The following TUSC3 variants were observed in gnomAD, a reference collection of about 807,000 sequenced individuals.
TUSC3 encodes the protein dolichyl-diphosphooligosaccharide--protein glycosyltransferase subunit TUSC3.
A neutral mutation model predicts 44.8 loss-of-function variants in TUSC3; 45 were observed. That is an observed-to-expected ratio of 1.00 (90% CI 0.79 to 1.29). TUSC3 has a LOEUF of 1.29. TUSC3 is among the 50% of genes most tolerant of loss of function. The pLI, the probability that TUSC3 is intolerant of heterozygous loss-of-function variation, is 0.00. For synonymous variants in TUSC3, 212 were observed against 152.9 expected (o/e 1.39, Z -2.85); for missense variants, 519 against 437.9 (o/e 1.19, Z -1.65).
intron 6 of TUSC3, chr8:15,689,317 AC>A: frequency 3.4e-6 from 1 of 295,852 alleles, no homozygotes; most frequent in Non-Finnish European, 6.7e-6. Context: ...GGTAGTAGTC[AC>A]CATCATCACT....
intron 1 of TUSC3, among the ~76,000 whole-genome samples, chr8:15,570,276 A>C (rs1237630007): frequency 7.0e-6 from 1 of 143,554 alleles, no homozygotes; most frequent in African/African-American, 2.9e-5. Flanking sequence ...ACACACACAC[A>C]CACACACACA....
intron 6 of TUSC3, chr8:15,689,615 G>A (rs1808806203): frequency 1.3e-5 from 2 of 155,680 alleles, no homozygotes; most frequent in South Asian, 1.9e-4. Flanking sequence ...CCTGGCAATC[G>A]TGGCTGTGGT....
At chr8:15,443,210 G>GGCTGGAGT in intron 1 of TUSC3, among the ~76,000 whole-genome samples, 1 of 151,874 alleles carries the variant, frequency 6.6e-6, no homozygotes, top group East Asian at 1.9e-4. Flanking sequence ...CTGTCACCCA[G>GGCTGGAGT]GCTGGAGTGC....
the TUSC3 span, among the ~76,000 whole-genome samples, chr8:15,834,908 T>A: frequency 6.6e-6 from 1 of 152,292 alleles, no homozygotes; most frequent in Non-Finnish European, 1.5e-5. Context: ...GAGAACTGAC[T>A]TTTCATGTGC....
downstream of TUSC3, among the ~76,000 whole-genome samples, chr8:15,770,039 T>G (rs1419936004): frequency 2.0e-5 from 3 of 152,088 alleles, no homozygotes; most frequent in East Asian, 3.9e-4. Context: ...GAAATACCAT[T>G]TGACCCAGCA....
At chr8:15,492,057 T>G (rs1402782420) in intron 2 of TUSC3, among the ~76,000 whole-genome samples, 2 of 152,198 alleles carry the variant, frequency 1.3e-5, no homozygotes, top group Non-Finnish European at 2.9e-5. Context: ...CTCCTCATAT[T>G]CCTGGCTATG....
intron 9 of TUSC3, among the ~76,000 whole-genome samples, chr8:15,756,406 A>G (rs761744569): frequency 2.1e-4 from 32 of 152,168 alleles, no homozygotes; most frequent in Non-Finnish European, 1.8e-4. Context: ...TTCTCAATAA[A>G]AAGTACTCAC....
the TUSC3 span, among the ~76,000 whole-genome samples, chr8:15,777,798 TTATATACAGA>T: frequency 2.0e-5 from 3 of 152,164 alleles, no homozygotes; most frequent in Non-Finnish European, 4.4e-5. Flanking sequence ...TTTTAAAATA[TTATATACAGA>T]TATATACAGA....
intron 1 of TUSC3, among the ~76,000 whole-genome samples, chr8:15,593,541 G>C (rs1479312518): frequency 6.6e-6 from 1 of 151,830 alleles, no homozygotes; most frequent in Non-Finnish European, 1.5e-5. Flanking sequence ...TGAGTTCATT[G>C]TTATTTTTTA....
chr8:15,752,002 C>T (rs1347600060), intron 9 of TUSC3, among the ~76,000 whole-genome samples: 2 of 152,112 alleles, frequency 1.3e-5, no homozygotes, highest in Non-Finnish European at 2.9e-5. Flanking sequence ...TATAGACATG[C>T]CGTGGTGCTT....
chr8:15,478,155 A>T (rs937483463), intron 1 of TUSC3, among the ~76,000 whole-genome samples: 1 of 151,890 alleles, frequency 6.6e-6, no homozygotes, highest in Admixed American at 6.6e-5. Flanking sequence ...CGGGGTTTCT[A>T]CTAAAAGACC....
intron 1 of TUSC3, among the ~76,000 whole-genome samples, chr8:15,563,316 C>T (rs1802546484): frequency 6.6e-6 from 1 of 151,922 alleles, no homozygotes; most frequent in African/African-American, 2.4e-5. Context: ...ATGGTGTGAA[C>T]CTGTTAAGTA....
At chr8:15,561,855 GT>G (rs1802481425) in intron 1 of TUSC3, among the ~76,000 whole-genome samples, 1 of 152,124 alleles carries the variant, frequency 6.6e-6, no homozygotes, top group Admixed American at 6.5e-5. Flanking sequence ...GCCTCGCCCT[GT>G]TTCGGCTGGC....
intron 2 of TUSC3, among the ~76,000 whole-genome samples, chr8:15,487,222 T>C (rs1204451221): frequency 2.6e-5 from 4 of 152,246 alleles, no homozygotes; most frequent in East Asian, 1.9e-4. Flanking sequence ...TCTACTACTT[T>C]GAATTTTTTC....
At chr8:15,806,727 G>A in the TUSC3 span, 2 of 812,298 alleles carry the variant, frequency 2.5e-6, no homozygotes, top group East Asian at 4.9e-5. Context: ...GATACAGCCA[G>A]AGAGGCTTTC....
At chr8:15,534,988 A>G (rs901181474) in intron 2 of TUSC3, among the ~76,000 whole-genome samples, 3 of 152,182 alleles carry the variant, frequency 2.0e-5, no homozygotes, top group Non-Finnish European at 4.4e-5. Flanking sequence ...AATTTTGTCT[A>G]TTAAGCTAGG....
At chr8:15,522,623 T>G (rs1801313461) in intron 2 of TUSC3, among the ~76,000 whole-genome samples, 1 of 151,530 alleles carries the variant, frequency 6.6e-6, no homozygotes. Context: ...AATACTTTGG[T>G]GGGTAAGCTA....
At chr8:15,762,270 T>C (rs1023079764) in intron 10 of TUSC3, among the ~76,000 whole-genome samples, 3 of 152,016 alleles carry the variant, frequency 2.0e-5, no homozygotes, top group African/African-American at 7.2e-5. Context: ...TAGGAAGTAC[T>C]CTAATTGTCC....
intron 1 of TUSC3, among the ~76,000 whole-genome samples, chr8:15,419,593 A>G (rs1334881449): frequency 6.6e-6 from 1 of 152,230 alleles, no homozygotes; most frequent in Non-Finnish European, 1.5e-5. Flanking sequence ...CGTGTGTGAA[A>G]AAAACACTAA....
Sources: gnomAD v4.1 joint callset for allele counts (sites outside exome capture counted in the v4.1 genomes callset) on GRCh38, gnomAD v4.1.1 for gene constraint, MANE v1.5 for transcripts, NCBI Gene and HGNC (gene_info 2026-07-23, HGNC 2026-07-21) for gene names.